The following PRDM1 variants were observed in gnomAD, a reference collection of about 807,000 sequenced individuals.
PRDM1 encodes the protein PR/SET domain 1.
PRDM1 carries 13 observed loss-of-function variants against 62.8 expected under a neutral mutation model. The ratio of observed to expected loss-of-function variants is 0.21; its 90% CI spans 0.13 to 0.33. The LOEUF is 0.33. Among genes scored for constraint, PRDM1 ranks in the 10% least tolerant of loss-of-function variants. The pLI is 1.00. For synonymous variants in PRDM1, 396 were observed against 417.6 expected (o/e 0.95, Z 0.63); for missense variants, 895 against 1,058.8 (o/e 0.85, Z 2.15).
chr6:106,104,209 T>G (rs1481033060), intron 4 of PRDM1, among the ~76,000 whole-genome samples: 2 of 152,072 alleles, frequency 1.3e-5, no homozygotes, highest in South Asian at 2.1e-4. Flanking sequence ...ATGGAAGTTT[T>G]TTTTTTTTTT....
At chr6:106,043,749 G>A (rs192821411), upstream of PRDM1, among the ~76,000 whole-genome samples, 631 of 152,166 alleles carry the variant, frequency 4.1e-3, 4 homozygotes, top group African/African-American at 0.015. Context: ...GGTCAAGCTG[G>A]TCTCGAACTC....
At chr6:106,037,702 CT>C (rs1772939247) in intron 1 of PRDM1, among the ~76,000 whole-genome samples, 1 of 151,920 alleles carries the variant, frequency 6.6e-6, no homozygotes, top group Admixed American at 6.6e-5. Context: ...TTCTTGGTTT[CT>C]TTTTAGGTTT....
chr6:106,049,378 T>C (rs1265592136), intron 1 of PRDM1, among the ~76,000 whole-genome samples: 1 of 152,228 alleles, frequency 6.6e-6, no homozygotes, highest in African/African-American at 2.4e-5. Context: ...TATATGAATG[T>C]GCTTTCCATG....
intron 1 of PRDM1, among the ~76,000 whole-genome samples, chr6:106,023,317 A>T (rs1408549579): frequency 6.6e-6 from 1 of 152,090 alleles, no homozygotes; most frequent in Admixed American, 6.6e-5. Context: ...GCACTTTAAT[A>T]AGACTCCCTG....
intron 2 of PRDM1, among the ~76,000 whole-genome samples, chr6:106,093,829 G>C (rs923944165): frequency 3.0e-4 from 45 of 152,284 alleles, no homozygotes; most frequent in African/African-American, 1.1e-3. Flanking sequence ...GCTTTTTTCA[G>C]CTCTCTGACA....
chr6:106,026,266 G>T (rs1018448516), intron 1 of PRDM1, among the ~76,000 whole-genome samples: 4 of 152,112 alleles, frequency 2.6e-5, no homozygotes, highest in Non-Finnish European at 5.9e-5. Flanking sequence ...ATCACCTGAG[G>T]TCGGGAGTTC....
intron 1 of PRDM1, among the ~76,000 whole-genome samples, chr6:106,013,676 G>C (rs186810140): frequency 8.5e-5 from 13 of 152,098 alleles, no homozygotes; most frequent in Non-Finnish European, 1.8e-4. Flanking sequence ...TTTTCACCAA[G>C]AGCCAATATT....
chr6:105,995,228 T>C (rs1030427016), intron 1 of PRDM1, among the ~76,000 whole-genome samples: 2 of 151,754 alleles, frequency 1.3e-5, no homozygotes, highest in Non-Finnish European at 2.9e-5. Context: ...CCCGGCGTTG[T>C]CACGTTCCCT....
upstream of PRDM1, among the ~76,000 whole-genome samples, chr6:106,047,323 A>T (rs9320144): frequency 6.6e-6 from 1 of 152,164 alleles, no homozygotes; most frequent in Non-Finnish European, 1.5e-5. Context: ...GAGTTTTTGA[A>T]AACAGTCAGA....
At chr6:106,076,426 A>G (rs1328959786) in intron 1 of PRDM1, among the ~76,000 whole-genome samples, 1 of 152,204 alleles carries the variant, frequency 6.6e-6, no homozygotes, top group Admixed American at 6.5e-5. Flanking sequence ...TTGAAATCGT[A>G]GTATTTTGTG....
intron 1 of PRDM1, among the ~76,000 whole-genome samples, chr6:106,069,080 G>C (rs1773474766): frequency 6.6e-6 from 1 of 152,162 alleles, no homozygotes; most frequent in Admixed American, 6.5e-5. Flanking sequence ...ATTGCCTTTG[G>C]ATGGTCACTT....
chr6:106,003,192 A>C (rs1378077123), intron 1 of PRDM1, among the ~76,000 whole-genome samples: 1 of 152,190 alleles, frequency 6.6e-6, no homozygotes, highest in Non-Finnish European at 1.5e-5. Context: ...AGTATAATGT[A>C]TTGTCCAAAG....
chr6:106,043,639 G>A (rs377409799), upstream of PRDM1, among the ~76,000 whole-genome samples: 18 of 152,182 alleles, frequency 1.2e-4, no homozygotes, highest in Admixed American at 6.5e-4. Flanking sequence ...GGGTTCAAGC[G>A]ATTCTCCTGC....
In PRDM1 at chr6:106,107,630, G is replaced by A. The variant is rs1373604239; in HGVS notation, c.*144G>A. 5.1e-6 allele frequency: 3 copies of A among 582,562 alleles called. 1 individual carries two copies. The East Asian group carries it at 9.5e-5, about 18-fold the overall frequency. The allele number at this position is 582,562 out of a possible 1,614,324, so 36.1% of individuals were successfully genotyped here. A position where few individuals can be genotyped will look rare whatever the true frequency, so the allele number is the denominator to read the frequency against. ...TCCCCTCACCTCTGGAATTAAAGAA[G>A]GAACTCCAAAGTTACTGAAATCTCA... is the stretch of plus-strand genomic sequence containing the variant. On this transcript the variant is annotated 3_prime_UTR_variant, in exon 7 of 7. Coordinates refer to ENST00000369096, the MANE Select transcript of PRDM1 (RefSeq NM_001198.4).
chr6:106,032,755 A>G (rs1196141455), intron 1 of PRDM1, among the ~76,000 whole-genome samples: 2 of 152,180 alleles, frequency 1.3e-5, no homozygotes, highest in Non-Finnish European at 2.9e-5. Flanking sequence ...CCATATTTTC[A>G]TGACAACCCT....
At chr6:106,069,973 CTCTCCGCATCCACCACT>C (rs1265482775) in intron 1 of PRDM1, among the ~76,000 whole-genome samples, 1 of 152,212 alleles carries the variant, frequency 6.6e-6, no homozygotes, top group East Asian at 1.9e-4. Context: ...CAATTCTTCC[CTCTCCGCATCCACCACT>C]TCTCCCTCAA....
chr6:106,072,312 G>A (rs1456207952), intron 1 of PRDM1: 1 of 152,188 alleles, frequency 6.6e-6, no homozygotes, highest in Non-Finnish European at 1.5e-5. Flanking sequence ...GGCTATTTTG[G>A]GGTGTAATAT....
At chr6:106,102,088 C>G (rs1186343472) in intron 4 of PRDM1, among the ~76,000 whole-genome samples, 1 of 152,116 alleles carries the variant, frequency 6.6e-6, no homozygotes, top group East Asian at 1.9e-4. Context: ...TTTGTTTTGC[C>G]TACTGCAGAA....
At chr6:106,099,784 T>A in intron 4 of PRDM1, 1 of 540,840 alleles carries the variant, frequency 1.8e-6, no homozygotes, top group Non-Finnish European at 3.2e-6. Flanking sequence ...GAGTTTTGAA[T>A]TCAGGATGTT....
Sources: allele counts gnomAD v4.1 joint callset (sites outside exome capture counted in the v4.1 genomes callset), GRCh38; gene constraint gnomAD v4.1.1; transcripts MANE v1.5; gene names NCBI Gene and HGNC (gene_info 2026-07-23, HGNC 2026-07-21).